SBNO1: variants seen among roughly 807,000 people sequenced by gnomAD.
SBNO1 encodes strawberry notch homolog 1, also known as protein strawberry notch homolog 1.
Under a neutral mutation model 173.6 loss-of-function variants are expected in SBNO1, and 23 were observed. The observed-to-expected ratio is 0.13, with a 90% CI of 0.10 to 0.19. The LOEUF (loss-of-function observed/expected upper bound fraction) is 0.19. Ranked by LOEUF, SBNO1 falls within the 10% of genes least tolerant of loss-of-function variation. The pLI is 1.00. For missense variants in SBNO1, 1,238 were observed against 1,671.2 expected, an observed-to-expected ratio of 0.74 and a Z score of 4.52; for synonymous variants, 632 against 571.5, an observed-to-expected ratio of 1.11 and a Z score of -1.51.
At chr12:123,344,814 A>C (rs1482023686) in intron 4 of SBNO1, among the ~76,000 whole-genome samples, 3 of 152,142 alleles carry the variant, frequency 2.0e-5, no homozygotes, top group African/African-American at 7.2e-5. Context: ...GCACCACTGC[A>C]CTCCAGTCTG....
intron 31 of SBNO1, among the ~76,000 whole-genome samples, chr12:123,297,556 C>T (rs1264411778): frequency 6.6e-6 from 1 of 151,980 alleles, no homozygotes; most frequent in Non-Finnish European, 1.5e-5. Context: ...TAGTTGAGCA[C>T]ACGGTGAGAA....
intron 1 of SBNO1, among the ~76,000 whole-genome samples, chr12:123,357,635 G>T (rs1874616157): frequency 6.6e-6 from 1 of 151,292 alleles, no homozygotes; most frequent in Admixed American, 6.6e-5. Context: ...GGTGCCTGTA[G>T]TCCCAGCTAC....
At chr12:123,342,539 A>T (rs1872689875) in intron 4 of SBNO1, among the ~76,000 whole-genome samples, 2 of 152,364 alleles carry the variant, frequency 1.3e-5, no homozygotes, top group South Asian at 4.1e-4. Context: ...CTAATTTTCA[A>T]GGCAAAATAA....
intron 1 of SBNO1, among the ~76,000 whole-genome samples, chr12:123,353,955 C>G (rs888610161): frequency 1.3e-5 from 2 of 152,184 alleles, no homozygotes; most frequent in Non-Finnish European, 2.9e-5. Context: ...ATCCATCAGT[C>G]CATGAGCTAT....
intron 23 of SBNO1, among the ~76,000 whole-genome samples, chr12:123,314,322 A>G (rs186376782): frequency 8.0e-6 from 1 of 125,088 alleles, no homozygotes; most frequent in Non-Finnish European, 1.9e-5. Flanking sequence ...GCCCGCCACC[A>G]TGCCCAACTA....
chr12:123,317,473 C>T, intron 20 of SBNO1, 117 bp from the exon 21 acceptor site: 1 of 890,042 alleles, frequency 1.1e-6, no homozygotes, highest in Non-Finnish European at 1.7e-6. Flanking sequence ...ATAATGAAGA[C>T]TTCCAGTTTT....
Position 123,320,453 on chromosome 12 carries a change from A to C in SBNO1, c.2646T>G (p.Gly882=). The C allele has an allele frequency of 6.2e-7, 1 of 1,613,654 alleles. No individual in the cohort carries two copies. ...NTLDELIDEL[G]GPENVAEMTG... is the part of the protein sequence containing the mutation. ...TTACCTCAGCAACGTTCTCAGGGCC[A>C]CCAAGTTCATCGATAAGTTCATCCA... Residue 882 remains glycine (G), a synonymous_variant, in exon 19 of 32, where the codon GGT becomes GGG. Transcript: ENST00000602398.
Position 123,311,075 on chromosome 12 carries a change from C to T in SBNO1, c.3275G>A (p.Gly1092Glu), listed in dbSNP as rs1246097128. The change falls in exon 25 of 32, where the codon GGA becomes GAA. Residue 1092 changes from glycine (G) to glutamate (E), a missense_variant. Physicochemically the swap from Gly to Glu is moderately conservative, Grantham distance 98 (BLOSUM62 -2). This residue lies in a region of SBNO1 where 351 missense variants were observed against 420.3 expected (regional missense o/e 0.84). Transcript: ENST00000602398. ...AGTACCTTTATCGAGAGTAAGAATTCCCGAGCGATCTTCTACATTTATCAG... is the reference window on the plus strand; with the variant it reads ...AGTACCTTTATCGAGAGTAAGAATTTCCGAGCGATCTTCTACATTTATCAG... ...VGLINVEDRS[G>E]ILTLDKDYNN... is the part of the protein sequence containing the mutation. 1 of 1,612,916 alleles carries T rather than the reference C, an allele frequency of 6.2e-7. No homozygotes were observed. Among genetic ancestry groups the T allele is most frequent in the African/African-American group, 1.3e-5 (1 of 74,890 alleles).
intron 1 of SBNO1, among the ~76,000 whole-genome samples, chr12:123,353,984 T>C (rs903708395): frequency 1.3e-5 from 2 of 152,226 alleles, no homozygotes; most frequent in Admixed American, 1.3e-4. Context: ...CCCTATCTAA[T>C]AATATTCAAA....
intron 1 of SBNO1, among the ~76,000 whole-genome samples, chr12:123,350,702 A>G (rs1434997852): frequency 6.6e-6 from 1 of 152,242 alleles, no homozygotes; most frequent in African/African-American, 2.4e-5. Flanking sequence ...AGAGAAGGAA[A>G]TAATGAACTT....
At chr12:123,362,256 G>A (rs1875361844) in intron 1 of SBNO1, among the ~76,000 whole-genome samples, 2 of 151,558 alleles carry the variant, frequency 1.3e-5, no homozygotes, top group South Asian at 2.1e-4. Context: ...CTAACATGGT[G>A]AAACCCCGTC....
intron 30 of SBNO1, among the ~76,000 whole-genome samples, chr12:123,301,279 C>T (rs966384307): frequency 6.6e-6 from 1 of 152,146 alleles, no homozygotes; most frequent in African/African-American, 2.4e-5. Flanking sequence ...GCTGGTACTA[C>T]CAGCAAGCCA....
chr12:123,345,009 G>T (rs922043904), intron 4 of SBNO1, among the ~76,000 whole-genome samples: 1 of 152,118 alleles, frequency 6.6e-6, no homozygotes, highest in East Asian at 1.9e-4. Context: ...TATAAAACTG[G>T]TAAGATTTCA....
chr12:123,319,982 G>T lies in SBNO1; in HGVS notation c.2717C>A (p.Ser906Tyr). ...ATCAAGTTCAGATCTTGACTCATAA[G>T]ATATGCTTCCATCATCATTGCTCAC... ...RVVSNDDGSI[S>Y]YESRSELDVP... is the part of the protein sequence containing the mutation. The change falls in exon 20 of 32, where the codon TCT becomes TAT. Residue 906 changes from serine (S) to tyrosine (Y), a missense_variant. By Grantham distance (144) the Ser-to-Tyr change is moderately radical (BLOSUM62 -2). Coordinates refer to ENST00000602398, the MANE Select transcript of SBNO1 (RefSeq NM_001167856.3). 1 of 1,613,980 alleles carries T rather than the reference G, an allele frequency of 6.2e-7. No homozygotes were observed. Among genetic ancestry groups the T allele is most frequent in the Non-Finnish European group, 8.5e-7 (1 of 1,179,898 alleles).
Position 123,290,318 on chromosome 12 carries a change from T to C in SBNO1, c.*5590A>G, listed in dbSNP as rs1243815534. On this transcript the variant is annotated 3_prime_UTR_variant, in exon 32 of 32. Transcript: ENST00000602398. ...GAATGCTTTTACATTTTTCACCAAG[T>C]CTACCAAGTTGAATAGTAATGAATG... 2 of 152,190 alleles carry C rather than the reference T, an allele frequency of 1.3e-5. No individual in the cohort carries two copies. Among genetic ancestry groups the C allele is most frequent in the African/African-American group, 4.8e-5 (2 of 41,446 alleles). The allele number at this position is 152,190 out of a possible 1,614,324, so 9.4% of individuals were successfully genotyped here.
Position 123,364,794 on chromosome 12 carries a change from G to T in SBNO1, c.-94C>A, listed in dbSNP as rs1051489090. 1 of 985,850 alleles carries T rather than the reference G, an allele frequency of 1.0e-6. No individual in the cohort carries two copies. Among genetic ancestry groups the T allele is most frequent in the Non-Finnish European group, 1.2e-6 (1 of 831,038 alleles). 61.1% of individuals were successfully genotyped at this position (985,850 alleles called of 1,614,324 possible). A position where few individuals can be genotyped will look rare whatever the true frequency, so the allele number is the denominator to read the frequency against. On this transcript the variant is annotated 5_prime_UTR_variant, in exon 1 of 32. Transcript: ENST00000602398. ...CTGGAGCGGAGGCGGCGGTGGCGGC[G>T]GCAGCAGCGGCGTCCTGCTCTGCCT...
At chr12:123,358,805 A>G (rs1874776982) in intron 1 of SBNO1, among the ~76,000 whole-genome samples, 1 of 151,964 alleles carries the variant, frequency 6.6e-6, no homozygotes, top group African/African-American at 2.4e-5. Flanking sequence ...GGAGCTTGGA[A>G]TAGAATTACA....
chr12:123,337,117 T>C (rs1421311829), intron 5 of SBNO1, among the ~76,000 whole-genome samples: 1 of 152,178 alleles, frequency 6.6e-6, no homozygotes, highest in Non-Finnish European at 1.5e-5. Context: ...ATCGTGATCA[T>C]ATATAAGATG....
intron 16 of SBNO1, among the ~76,000 whole-genome samples, chr12:123,323,351 T>C (rs1398603530): frequency 2.6e-5 from 4 of 152,144 alleles, no homozygotes; most frequent in Admixed American, 2.0e-4. Context: ...GTCAACTATT[T>C]TCTTTTTTCT....
Sources: gnomAD v4.1 joint callset for allele counts (sites outside exome capture counted in the v4.1 genomes callset) on GRCh38, gnomAD v4.1.1 for gene constraint, gnomAD v4.1.1 regional missense constraint, MANE v1.5 for transcripts, NCBI Gene and HGNC (gene_info 2026-07-23, HGNC 2026-07-21) for gene names.